Variants in CCNF observed in about 807,000 individuals in gnomAD.
CCNF encodes the protein cyclin F.
A neutral mutation model predicts 85.4 loss-of-function variants in CCNF; 30 were observed. That is an observed-to-expected ratio of 0.35 (90% CI 0.26 to 0.48). CCNF has a LOEUF of 0.48. Ranked by LOEUF, CCNF falls within the 20% of genes least tolerant of loss-of-function variation. CCNF has a pLI of 0.99. For missense variants in CCNF, 919 were observed against 1,010.4 expected, an observed-to-expected ratio of 0.91 and a Z score of 1.23; for synonymous variants, 439 against 425.1, an observed-to-expected ratio of 1.03 and a Z score of -0.40.
chr16:2,434,598 G>A (rs1419427689), intron 3 of CCNF, among the ~76,000 whole-genome samples: 2 of 152,016 alleles, frequency 1.3e-5, no homozygotes, highest in African/African-American at 2.4e-5. Flanking sequence ...GCAACAGAGC[G>A]AGACTCCGTC....
chr16:2,441,438 G>A (rs955991685), intron 8 of CCNF, among the ~76,000 whole-genome samples: 2 of 151,962 alleles, frequency 1.3e-5, no homozygotes, highest in African/African-American at 2.4e-5. Context: ...CGTAGTTCTC[G>A]TGGAAGTTCA....
intron 8 of CCNF, among the ~76,000 whole-genome samples, chr16:2,440,532 C>G (rs781779692): frequency 6.6e-6 from 1 of 151,956 alleles, no homozygotes; most frequent in Non-Finnish European, 1.5e-5. Context: ...CGCTTGAACC[C>G]GGGAGGCAGA....
intron 3 of CCNF, 92 bp from the exon 4 acceptor site, chr16:2,435,714 G>A (rs1429663493): frequency 6.4e-6 from 4 of 621,302 alleles, no homozygotes; most frequent in African/African-American, 3.7e-5. Flanking sequence ...TTCAATTCAG[G>A]GAACAAGTAT....
chr16:2,451,489 C>T lies in CCNF; in HGVS notation c.1487+1574C>T, dbSNP rs1024233723. Among the ~76,000 whole-genome samples, 1 of 152,208 alleles carries T rather than the reference C, an allele frequency of 6.6e-6. No homozygotes were observed. The highest frequency in any genetic ancestry group is 1.5e-5 in the Non-Finnish European group (1 of 68,042). ...CTCCCACCTCTCGGCACCCCCACTC[C>T]CTGGTCTCCCACTTCCCCGCTTCTG... On this transcript the variant is annotated intron_variant, in intron 13 of 16. Transcript: ENST00000397066. This position sits in a 1 kb window ranked among gnomAD's most constrained non-coding sequence, Gnocchi z 4.3.
At chr16:2,448,411 G>T (rs964387334) in intron 10 of CCNF, among the ~76,000 whole-genome samples, 3 of 150,902 alleles carry the variant, frequency 2.0e-5, no homozygotes, top group South Asian at 2.1e-4. Context: ...TTATTATTAT[G>T]ATGATTATTT....
intron 6 of CCNF, among the ~76,000 whole-genome samples, chr16:2,438,702 A>G (rs1216802144): frequency 2.6e-5 from 4 of 152,014 alleles, no homozygotes; most frequent in African/African-American, 9.7e-5. Flanking sequence ...TTGAACATCA[A>G]GTAAAGAATA....
At chr16:2,441,182 C>T (rs1336183559) in intron 8 of CCNF, among the ~76,000 whole-genome samples, 1 of 151,666 alleles carries the variant, frequency 6.6e-6, no homozygotes, top group Non-Finnish European at 1.5e-5. Flanking sequence ...TGCAGTGAGC[C>T]GAGATTGTGC....
intron 8 of CCNF, among the ~76,000 whole-genome samples, chr16:2,441,421 G>A (rs1320596771): frequency 2.0e-5 from 3 of 152,038 alleles, no homozygotes. Flanking sequence ...TACAAGAAAT[G>A]CAACAACGTA....
At chr16:2,446,588 A>G (rs1471497226) in intron 10 of CCNF, among the ~76,000 whole-genome samples, 2 of 152,160 alleles carry the variant, frequency 1.3e-5, no homozygotes, top group East Asian at 1.9e-4. Context: ...CATGGTCTAC[A>G]TTTCCCGAGG....
Position 2,456,889 on chromosome 16 carries a change from A to C in CCNF, c.2230A>C (p.Arg744=). The C allele has an allele frequency of 6.2e-7, 1 of 1,614,190 alleles. No homozygotes were observed. Among genetic ancestry groups the C allele is most frequent in the Non-Finnish European group, 8.5e-7 (1 of 1,180,030 alleles). The part of the protein sequence containing the change: ...SHTQPCHHQA[R]KSCLQCRPPS... Reference sequence around the variant, plus strand: ...CACACAGCCCTGCCACCATCAGGCCAGGAAGTCATGTTTACAGTGTCGTCC... The same window carrying C: ...CACACAGCCCTGCCACCATCAGGCCCGGAAGTCATGTTTACAGTGTCGTCC... Residue 744 remains arginine (R), a synonymous_variant, in exon 17 of 17, where the codon AGG becomes CGG. Transcript: ENST00000397066. This position sits in a 1 kb window ranked among gnomAD's most constrained non-coding sequence, Gnocchi z 4.5.
Position 2,438,132 on chromosome 16 carries a change from A to C in CCNF, c.594+9A>C, listed in dbSNP as rs2141818109. On this transcript the variant is annotated intron_variant, in intron 6 of 16. Coordinates refer to ENST00000397066, the MANE Select transcript of CCNF (RefSeq NM_001761.3). ...TGCTGAGTCTGTTCGAGGTGAGTCA[A>C]GTTGTTCTCTGCACTGGGACTTTGT... 1.9e-6 allele frequency: 3 copies of C among 1,594,860 alleles called. No homozygotes were observed. Among genetic ancestry groups the C allele is most frequent in the Admixed American group, 1.7e-5 (1 of 60,002 alleles).
chr16:2,431,475 T>C (rs572909112), intron 2 of CCNF, among the ~76,000 whole-genome samples, 191 bp downstream of exon 2: 10 of 152,056 alleles, frequency 6.6e-5, no homozygotes, highest in Admixed American at 2.6e-4. Flanking sequence ...GGTCAGGAGT[T>C]CCAGACCAGC....
intron 4 of CCNF, chr16:2,436,302 C>T (rs559658134): frequency 3.7e-4 from 58 of 156,792 alleles, no homozygotes; most frequent in Middle Eastern, 6.6e-3. Context: ...GAAGCAGGTA[C>T]AGGCAGGTTA....
rs3810795 is a variant in CCNF at position 2,457,928 on chromosome 16, C to T, written c.*908C>T. 5 of 152,226 alleles carry T rather than the reference C, an allele frequency of 3.3e-5. No homozygotes were observed. In the East Asian group the frequency reaches 9.6e-4, roughly 29 times the overall value. The allele number at this position is 152,226 out of a possible 1,614,324, so 9.4% of individuals were successfully genotyped here. A position where few individuals can be genotyped will look rare whatever the true frequency, so the allele number is the denominator to read the frequency against. ...GGCTAGCCAGAAAAAACTTCAAGTC[C>T]TCTGTAACATCTGAGGTGACCAAGA... is the stretch of plus-strand genomic sequence containing the variant. On this transcript the variant is annotated 3_prime_UTR_variant, in exon 17 of 17. Coordinates refer to ENST00000397066, the MANE Select transcript of CCNF (RefSeq NM_001761.3).
intron 4 of CCNF, 57 bp downstream of exon 4, chr16:2,435,930 C>A: frequency 7.5e-7 from 1 of 1,337,448 alleles, no homozygotes; most frequent in Non-Finnish European, 1.1e-6. Flanking sequence ...GCCTTTGGCC[C>A]TATGAAGAAG....
In CCNF at chr16:2,434,311, TAATAATAA is replaced by T. The variant is rs537335252; in HGVS notation, c.278+1257_278+1264del. On this transcript the variant is annotated intron_variant, in intron 3 of 16. Transcript: ENST00000397066. ...ATGGGGTAAGACTGTCTCAAAAAAA[TAATAATAA>T]AATAATAAAATATGGCTGGGCACAG... Among the ~76,000 whole-genome samples, 255 of 147,648 alleles carry T rather than the reference TAATAATAA, an allele frequency of 1.7e-3. 2 individuals carry two copies. The highest frequency in any genetic ancestry group is 6.3e-3 in the African/African-American group (250 of 39,796).
intron 6 of CCNF, 98 bp downstream of exon 6, chr16:2,438,221 C>G: frequency 1.1e-6 from 1 of 927,032 alleles, no homozygotes; most frequent in Admixed American, 1.7e-5. Flanking sequence ...GTCCAAGGCC[C>G]AAAACAAAAG....
chr16:2,446,777 C>T (rs1221541801), intron 10 of CCNF, among the ~76,000 whole-genome samples: 1 of 152,180 alleles, frequency 6.6e-6, no homozygotes, highest in East Asian at 1.9e-4. Flanking sequence ...CAGAGGAGCC[C>T]CATCTCCCAT....
At chr16:2,455,277 C>T in intron 15 of CCNF, 118 bp from the exon 16 acceptor site, 5 of 1,314,400 alleles carry the variant, frequency 3.8e-6, no homozygotes, top group Non-Finnish European at 5.1e-6. Context: ...GTAGCAGAAC[C>T]TTTGGGAGCA....
Sources: gnomAD v4.1 joint callset for allele counts (sites outside exome capture counted in the v4.1 genomes callset) on GRCh38, gnomAD v4.1.1 for gene constraint, Gnocchi (gnomAD v3.1) non-coding constraint, MANE v1.5 for transcripts, NCBI Gene and HGNC (gene_info 2026-07-23, HGNC 2026-07-21) for gene names.